Variants in PRKCE observed in about 807,000 individuals in gnomAD.
PRKCE encodes the protein protein kinase C epsilon, also known as protein kinase C epsilon type.
PRKCE carries 16 observed loss-of-function variants against 85.4 expected under a neutral mutation model. The ratio of observed to expected loss-of-function variants is 0.19; its 90% CI spans 0.13 to 0.28. The LOEUF (loss-of-function observed/expected upper bound fraction) is 0.28, where lower values mean the gene tolerates loss of function less well. Ranked by LOEUF, PRKCE falls within the 10% of genes least tolerant of loss-of-function variation. The pLI is 1.00. For synonymous variants in PRKCE, 388 were observed against 371.5 expected, an observed-to-expected ratio of 1.04 and a Z score of -0.51; for missense variants, 573 against 975.2, an observed-to-expected ratio of 0.59 and a Z score of 5.49.
chr2:45,691,727 G>C (rs1330774313), intron 1 of PRKCE, among the ~76,000 whole-genome samples: 4 of 152,168 alleles, frequency 2.6e-5, no homozygotes, highest in African/African-American at 9.7e-5. Context: ...TTTGGTATTT[G>C]AGGTCATTAG....
chr2:45,785,289 G>C (rs912583899), intron 1 of PRKCE, among the ~76,000 whole-genome samples: 3 of 152,160 alleles, frequency 2.0e-5, no homozygotes, highest in South Asian at 2.1e-4. Context: ...TCAGGAGTTA[G>C]AGACCAGCCT....
At chr2:46,129,327 C>G (rs1490136535) in intron 11 of PRKCE, among the ~76,000 whole-genome samples, 1 of 152,118 alleles carries the variant, frequency 6.6e-6, no homozygotes, top group Non-Finnish European at 1.5e-5. Context: ...GGCAGGTGCT[C>G]AGTACGTAGC....
intron 1 of PRKCE, among the ~76,000 whole-genome samples, chr2:45,683,000 A>G (rs1379728666): frequency 6.6e-6 from 1 of 152,232 alleles, no homozygotes; most frequent in Non-Finnish European, 1.5e-5. Flanking sequence ...TTACGAAAAA[A>G]GAATATTGTA....
At chr2:45,888,056 C>G (rs146421865) in intron 2 of PRKCE, among the ~76,000 whole-genome samples, 1 of 152,166 alleles carries the variant, frequency 6.6e-6, no homozygotes, top group Non-Finnish European at 1.5e-5. Flanking sequence ...ACCTAGATTT[C>G]CAGAGTCAGC....
At chr2:45,684,283 A>C (rs1677119364) in intron 1 of PRKCE, among the ~76,000 whole-genome samples, 1 of 152,176 alleles carries the variant, frequency 6.6e-6, no homozygotes, top group Admixed American at 6.5e-5. Context: ...GATTAACCAG[A>C]AGGTCTTGGC....
At chr2:45,984,071 G>A (rs868056173) in intron 5 of PRKCE, among the ~76,000 whole-genome samples, 8 of 151,716 alleles carry the variant, frequency 5.3e-5, no homozygotes, top group African/African-American at 1.9e-4. Context: ...CCGAGTAGCT[G>A]GGATTACAGG....
At chr2:45,936,444 C>T (rs551974239) in intron 2 of PRKCE, among the ~76,000 whole-genome samples, 133 of 152,324 alleles carry the variant, frequency 8.7e-4, no homozygotes, top group African/African-American at 3.1e-3. Context: ...GGCTTGGTGG[C>T]CGTGGGCCAA....
At chr2:45,865,135 G>A (rs531567157) in intron 2 of PRKCE, among the ~76,000 whole-genome samples, 1 of 152,204 alleles carries the variant, frequency 6.6e-6, no homozygotes, top group Non-Finnish European at 1.5e-5. Flanking sequence ...CTGGGGTGGT[G>A]CCTGAGATTC....
intron 11 of PRKCE, among the ~76,000 whole-genome samples, chr2:46,092,993 G>A (rs1347869059): frequency 6.6e-6 from 1 of 152,206 alleles, no homozygotes; most frequent in African/African-American, 2.4e-5. Flanking sequence ...GGAGAAGGTA[G>A]GGGCATCTCT....
intron 2 of PRKCE, among the ~76,000 whole-genome samples, chr2:45,917,360 A>G (rs1235040033): frequency 6.6e-5 from 10 of 152,150 alleles, no homozygotes; most frequent in Admixed American, 6.5e-4. Flanking sequence ...AGCTAGATAC[A>G]GAGTGCCAAT....
intron 14 of PRKCE, among the ~76,000 whole-genome samples, chr2:46,166,243 C>T (rs1678329878): frequency 6.6e-6 from 1 of 152,232 alleles, no homozygotes; most frequent in Non-Finnish European, 1.5e-5. Context: ...GAAGCCAGCC[C>T]ACCTGCCTAG....
At chr2:46,008,151 T>C (rs1170251223) in intron 9 of PRKCE, among the ~76,000 whole-genome samples, 4 of 152,234 alleles carry the variant, frequency 2.6e-5, no homozygotes, top group Non-Finnish European at 5.9e-5. Context: ...CTGATCTTTC[T>C]GGCATGTAAT....
chr2:45,716,057 C>T (rs1680059293), intron 1 of PRKCE, among the ~76,000 whole-genome samples: 2 of 152,190 alleles, frequency 1.3e-5, no homozygotes, highest in Admixed American at 1.3e-4. Flanking sequence ...TTGAAACCTA[C>T]AAGCCCCTCC....
chr2:45,822,925 C>A (rs1272300129), intron 1 of PRKCE, among the ~76,000 whole-genome samples: 2 of 152,130 alleles, frequency 1.3e-5, no homozygotes, highest in Non-Finnish European at 2.9e-5. Flanking sequence ...ATGGGATGGC[C>A]AAAATATAAT....
intron 10 of PRKCE, among the ~76,000 whole-genome samples, chr2:46,075,405 G>A (rs1668473686): frequency 6.6e-6 from 1 of 152,100 alleles, no homozygotes; most frequent in Non-Finnish European, 1.5e-5. Flanking sequence ...GCTACTGGTG[G>A]CAACAGGTGC....
At chr2:45,916,408 T>TA (rs575003035) in intron 2 of PRKCE, among the ~76,000 whole-genome samples, 21 of 150,490 alleles carry the variant, frequency 1.4e-4, no homozygotes, top group South Asian at 2.1e-4. Context: ...CCTGGCTAAT[T>TA]AAAAAAAAAA....
At chr2:46,070,277 C>T (rs1429483709) in intron 10 of PRKCE, among the ~76,000 whole-genome samples, 3 of 150,726 alleles carry the variant, frequency 2.0e-5, no homozygotes, top group Non-Finnish European at 4.5e-5. Context: ...AGAGCACAGG[C>T]TTCCTGTGTG....
chr2:45,875,381 T>C lies in PRKCE; in HGVS notation c.412+32318T>C, dbSNP rs138390162. Among the ~76,000 whole-genome samples, 23 of 152,316 alleles carry C rather than the reference T, an allele frequency of 1.5e-4. 1 individual carries two copies. The highest frequency in any genetic ancestry group is 5.5e-4 in the African/African-American group (23 of 41,580). On this transcript the variant is annotated intron_variant, in intron 2 of 14. Coordinates refer to ENST00000306156, the MANE Select transcript of PRKCE (RefSeq NM_005400.3). Reference sequence around the variant, plus strand: ...CCTGCTAATGCAATGTCCACAACCATACTGAAGACTCTTCAAGTTGGGACC... The same window carrying C: ...CCTGCTAATGCAATGTCCACAACCACACTGAAGACTCTTCAAGTTGGGACC...
intron 2 of PRKCE, among the ~76,000 whole-genome samples, chr2:45,849,290 T>G (rs1423579079): frequency 6.6e-6 from 1 of 152,082 alleles, no homozygotes; most frequent in Admixed American, 6.5e-5. Flanking sequence ...GCAGAGCACA[T>G]TTTACAACTA....
Sources: gnomAD v4.1 joint callset for allele counts (sites outside exome capture counted in the v4.1 genomes callset) on GRCh38, gnomAD v4.1.1 for gene constraint, MANE v1.5 for transcripts, NCBI Gene and HGNC (gene_info 2026-07-23, HGNC 2026-07-21) for gene names.